Variants in COL23A1 observed in about 807,000 individuals in gnomAD.
COL23A1 encodes the protein collagen alpha-1(XXIII) chain.
Under a neutral mutation model 99.3 loss-of-function variants are expected in COL23A1, and 97 were observed. The ratio of observed to expected loss-of-function variants is 0.98; its 90% CI spans 0.83 to 1.16. COL23A1 has a LOEUF of 1.16. Ranked by LOEUF, COL23A1 falls within the 50% of genes most tolerant of loss-of-function variation. The probability of loss-of-function intolerance (pLI) is 0.00; values close to 1 mark genes in which losing one functional copy is unlikely to be tolerated. For missense variants in COL23A1, 762 were observed against 757.4 expected, an observed-to-expected ratio of 1.01 and a Z score of -0.07; for synonymous variants, 320 against 308.2, an observed-to-expected ratio of 1.04 and a Z score of -0.40.
intron 2 of COL23A1, among the ~76,000 whole-genome samples, chr5:178,528,946 A>C (rs937963849): frequency 2.0e-5 from 3 of 152,238 alleles, no homozygotes; most frequent in Non-Finnish European, 2.9e-5. Context: ...ACGGTGTATC[A>C]GTTACCTATC....
chr5:178,355,463 A>G (rs1350738462), intron 2 of COL23A1, among the ~76,000 whole-genome samples: 8 of 152,228 alleles, frequency 5.3e-5, no homozygotes, highest in Non-Finnish European at 1.0e-4. Context: ...TGGGTTACAT[A>G]GTATATTAGT....
At chr5:178,503,518 T>C (rs956801924) in intron 2 of COL23A1, among the ~76,000 whole-genome samples, 2 of 152,040 alleles carry the variant, frequency 1.3e-5, no homozygotes, top group African/African-American at 4.8e-5. Context: ...TTAATGTGGT[T>C]GTGTAAGAGA....
At chr5:178,475,910 T>G (rs895739173) in intron 2 of COL23A1, among the ~76,000 whole-genome samples, 4 of 152,186 alleles carry the variant, frequency 2.6e-5, no homozygotes, top group African/African-American at 9.6e-5. Context: ...TTCTTCGAAT[T>G]CCTTGGACAT....
intron 2 of COL23A1, among the ~76,000 whole-genome samples, chr5:178,408,433 A>G (rs535673277): frequency 6.6e-6 from 1 of 152,340 alleles, no homozygotes; most frequent in South Asian, 2.1e-4. Context: ...CTTCTTTTAC[A>G]GAGTTTTCTA....
intron 14 of COL23A1, 56 bp downstream of exon 14, chr5:178,256,810 T>C (rs1765323972): frequency 6.5e-7 from 1 of 1,537,464 alleles, no homozygotes; most frequent in African/African-American, 1.4e-5. Context: ...CACTCCCGAC[T>C]GGGTGGAGGT....
intron 2 of COL23A1, among the ~76,000 whole-genome samples, chr5:178,440,515 C>T (rs1766805713): frequency 6.6e-6 from 1 of 152,242 alleles, no homozygotes; most frequent in Non-Finnish European, 1.5e-5. Context: ...GTGAAATCAA[C>T]TGTGCTCTAA....
intron 2 of COL23A1, among the ~76,000 whole-genome samples, chr5:178,393,267 T>C (rs960980807): frequency 2.0e-5 from 3 of 151,978 alleles, no homozygotes; most frequent in Non-Finnish European, 4.4e-5. Flanking sequence ...TTACGCTAAA[T>C]GAAAGAAGCC....
chr5:178,392,180 T>C (rs1421171404), intron 2 of COL23A1, among the ~76,000 whole-genome samples: 2 of 151,392 alleles, frequency 1.3e-5, no homozygotes, highest in African/African-American at 4.9e-5. Flanking sequence ...TTGGTTGCAC[T>C]ACTCTGTGAG....
Position 178,448,705 on chromosome 5 carries a change from A to G in COL23A1, c.361+111977T>C, listed in dbSNP as rs558222560. 6.3e-4 allele frequency among the ~76,000 whole-genome samples: 96 copies of G among 152,258 alleles called. 2 individuals carry two copies. The highest frequency in any genetic ancestry group is 2.5e-3 in the South Asian group (12 of 4,814). On this transcript the variant is annotated intron_variant, in intron 2 of 28. Coordinates refer to ENST00000390654, the MANE Select transcript of COL23A1 (RefSeq NM_173465.4). ...TCCATTCATGAGGGCAGTGCCCCCA[A>G]GACCCAAATACGTCCCATTAGGCTC...
At chr5:178,369,871 A>G (rs1388827253) in intron 2 of COL23A1, among the ~76,000 whole-genome samples, 1 of 152,230 alleles carries the variant, frequency 6.6e-6, no homozygotes, top group African/African-American at 2.4e-5. Flanking sequence ...TAGAATGAAA[A>G]GGAGGCACAA....
chr5:178,491,714 T>C (rs1459717686), intron 2 of COL23A1, among the ~76,000 whole-genome samples: 1 of 152,130 alleles, frequency 6.6e-6, no homozygotes, highest in African/African-American at 2.4e-5. Context: ...TTTTTTTCAA[T>C]TTTTTAATTC....
chr5:178,511,765 C>T (rs1224106171), intron 2 of COL23A1, among the ~76,000 whole-genome samples: 1 of 152,184 alleles, frequency 6.6e-6, no homozygotes, highest in East Asian at 1.9e-4. Flanking sequence ...ACCATTCATC[C>T]ATCTGTAAAC....
At chr5:178,282,886 G>A (rs960528101) in intron 5 of COL23A1, among the ~76,000 whole-genome samples, 5 of 150,594 alleles carry the variant, frequency 3.3e-5, no homozygotes, top group Non-Finnish European at 7.4e-5. Flanking sequence ...TTTTTTTTGA[G>A]ACATGGTCTC....
intron 2 of COL23A1, among the ~76,000 whole-genome samples, chr5:178,455,287 C>T (rs1767713904): frequency 6.6e-6 from 1 of 152,168 alleles, no homozygotes; most frequent in East Asian, 1.9e-4. Context: ...CCGCCCTAAA[C>T]CTTTCCAACC....
intron 2 of COL23A1, among the ~76,000 whole-genome samples, chr5:178,538,139 A>C (rs1229802247): frequency 6.6e-6 from 1 of 152,190 alleles, no homozygotes; most frequent in African/African-American, 2.4e-5. Flanking sequence ...TCCTGAGCAC[A>C]GAGGAGCTGA....
chr5:178,344,046 A>G (rs904787062), intron 2 of COL23A1, among the ~76,000 whole-genome samples: 1 of 152,150 alleles, frequency 6.6e-6, no homozygotes, highest in Admixed American at 6.5e-5. Context: ...TAATTTTTAC[A>G]TTATGCCCAT....
At chr5:178,399,440 G>T (rs1764319556) in intron 2 of COL23A1, among the ~76,000 whole-genome samples, 1 of 152,258 alleles carries the variant, frequency 6.6e-6, no homozygotes, top group Non-Finnish European at 1.5e-5. Flanking sequence ...TTGGGAGCCA[G>T]CACCTTCTCC....
At chr5:178,542,823 G>A (rs1761367375) in intron 2 of COL23A1, among the ~76,000 whole-genome samples, 1 of 152,084 alleles carries the variant, frequency 6.6e-6, no homozygotes, top group Non-Finnish European at 1.5e-5. Context: ...ATTTAGGTTG[G>A]GCTGCCAGAG....
chr5:178,241,487 G>C (rs1252357127), intron 27 of COL23A1, among the ~76,000 whole-genome samples: 2 of 152,180 alleles, frequency 1.3e-5, no homozygotes, highest in African/African-American at 2.4e-5. Flanking sequence ...TGGGGAAGCT[G>C]AGTTTCAGCT....
Sources: allele counts gnomAD v4.1 joint callset (sites outside exome capture counted in the v4.1 genomes callset), GRCh38; gene constraint gnomAD v4.1.1; transcripts MANE v1.5; gene names NCBI Gene and HGNC (gene_info 2026-07-23, HGNC 2026-07-21).